Variants in UXS1 observed in about 807,000 individuals in gnomAD.
UXS1 encodes UDP-glucuronic acid decarboxylase 1.
In UXS1, 33 loss-of-function variants were observed where a neutral mutation model predicts 62.6. That is an observed-to-expected ratio of 0.53 (90% confidence interval 0.40 to 0.70). The LOEUF (loss-of-function observed/expected upper bound fraction) is 0.70, where lower values mean the gene tolerates loss of function less well. Ranked by LOEUF, UXS1 falls within the 30% of genes least tolerant of loss-of-function variation. UXS1 has a pLI of 0.00. For missense variants in UXS1, 434 were observed against 556.3 expected, an observed-to-expected ratio of 0.78 and a Z score of 2.21; for synonymous variants, 213 against 206.8, an observed-to-expected ratio of 1.03 and a Z score of -0.26.
Position 106,094,049 on chromosome 2 carries a change from T to G in UXS1, c.1255A>C (p.Lys419Gln), listed in dbSNP as rs766728762. 1.2e-6 allele frequency: 2 copies of G among 1,613,162 alleles called. No homozygotes were observed. Among genetic ancestry groups the G allele is most frequent in the Non-Finnish European group, 1.7e-6 (2 of 1,179,722 alleles). The change falls in exon 15 of 15, where the codon AAA becomes CAA. Residue 419 changes from lysine (K) to glutamine (Q), a missense_variant. Physicochemically the swap from Lys to Gln is moderately conservative, Grantham distance 53. Around this residue, in one of 3 missense-constraint regions of UXS1, gnomAD observed 209 missense variants for 233.3 expected, o/e 0.90. Coordinates refer to ENST00000283148, the MANE Select transcript of UXS1 (RefSeq NM_001253875.2). ...GTTCAGCTGTGGCGAGTCCGTCCTT[T>G]CTTTATTCTGGCAGGCTTTGGTTTG... ...IPKPKPARIK[K>Q]GRTRHS
At chr2:106,175,853 T>C (rs2105090727) in intron 1 of UXS1, among the ~76,000 whole-genome samples, 1 of 152,274 alleles carries the variant, frequency 6.6e-6, no homozygotes. Context: ...TGGGTATAAA[T>C]ACAACGGTAA....
At chr2:106,156,107 C>A (rs960756372) in intron 5 of UXS1, among the ~76,000 whole-genome samples, 1 of 151,732 alleles carries the variant, frequency 6.6e-6, no homozygotes, top group Non-Finnish European at 1.5e-5. Flanking sequence ...AAAAGAGAAC[C>A]CACAGAATGA....
At chr2:106,137,558 G>A (rs574865846) in intron 6 of UXS1, among the ~76,000 whole-genome samples, 12 of 152,184 alleles carry the variant, frequency 7.9e-5, no homozygotes, top group African/African-American at 2.9e-4. Flanking sequence ...GGAGGCCGAG[G>A]TGGGTGGATC....
rs555562595 is a variant in UXS1, at chr2:106,107,497, C to T, written c.880-2660G>A. ...TGGAGGAACACAATCCAGGGCAATA[C>T]ATGCTGGGTAAGCCCCCCGACCGGG... On this transcript the variant is annotated intron_variant, in intron 10 of 14. Coordinates refer to ENST00000283148, the MANE Select transcript of UXS1 (RefSeq NM_001253875.2). 4.6e-4 allele frequency among the ~76,000 whole-genome samples: 70 copies of T among 152,320 alleles called. No individual in the cohort carries two copies. In the South Asian group the frequency reaches 9.7e-3, roughly 21 times the overall value.
At chr2:106,125,302 C>T (rs1485495886) in intron 8 of UXS1, among the ~76,000 whole-genome samples, 2 of 152,170 alleles carry the variant, frequency 1.3e-5, no homozygotes, top group Non-Finnish European at 2.9e-5. Flanking sequence ...GCTAGACAAA[C>T]AGGTAAAAAG....
At chr2:106,161,739 T>C (rs182160511) in intron 4 of UXS1, among the ~76,000 whole-genome samples, 1 of 152,344 alleles carries the variant, frequency 6.6e-6, no homozygotes, top group East Asian at 1.9e-4. Flanking sequence ...CATTTAAAGA[T>C]ACAGAGTTAA....
chr2:106,094,690 A>T (rs994947235), intron 14 of UXS1, among the ~76,000 whole-genome samples: 5 of 152,142 alleles, frequency 3.3e-5, no homozygotes, highest in Non-Finnish European at 7.4e-5. Flanking sequence ...CTGAGAGGGG[A>T]CCCACGGCAG....
intron 1 of UXS1, chr2:106,183,543 A>T (rs1007518974): frequency 6.6e-6 from 1 of 152,222 alleles, no homozygotes; most frequent in Admixed American, 6.5e-5. Context: ...CTGATGGATT[A>T]ACTCCAAATT....
Position 106,194,237 on chromosome 2 carries a change from A to G in UXS1, c.5T>C (p.Val2Ala), listed in dbSNP as rs902701008. M[V>A]SKALLRLVSA... Reference sequence around the variant, plus strand: ...CACGAGGCGCAGCAGCGCCTTGCTCACCATCCCCGGGAGCCGCGCGGGTCC... The same window carrying G: ...CACGAGGCGCAGCAGCGCCTTGCTCGCCATCCCCGGGAGCCGCGCGGGTCC... Residue 2 changes from valine to alanine, a missense_variant, in exon 1 of 15, where the codon GTG (valine) becomes GCG (alanine). Val to Ala is a moderately conservative substitution (Grantham distance 64). Coordinates refer to ENST00000283148, the MANE Select transcript of UXS1 (RefSeq NM_001253875.2). 1.4e-5 allele frequency: 20 copies of G among 1,414,288 alleles called. No individual in the cohort carries two copies. The East Asian group carries it at 4.4e-4, about 31-fold the overall frequency. The allele number at this position is 1,414,288 out of a possible 1,614,324, so 87.6% of individuals were successfully genotyped here.
chr2:106,095,689 G>A (rs530543786), intron 14 of UXS1, among the ~76,000 whole-genome samples: 3 of 152,170 alleles, frequency 2.0e-5, no homozygotes, highest in Admixed American at 1.3e-4. Flanking sequence ...AGGGGAGCCC[G>A]AATTTCAGTG....
intron 5 of UXS1, among the ~76,000 whole-genome samples, chr2:106,156,284 G>C (rs192006503): frequency 2.6e-5 from 4 of 152,238 alleles, no homozygotes; most frequent in Admixed American, 2.6e-4. Context: ...CACACAAAAA[G>C]ATGCTCAACA....
In UXS1 at chr2:106,192,144, T is replaced by C. The variant is rs370492409; in HGVS notation, c.94+2004A>G. Among the ~76,000 whole-genome samples the C allele has an allele frequency of 3.9e-5, 6 of 152,256 alleles. No homozygotes were observed. The East Asian group carries it at 1.2e-3, about 29-fold the overall frequency. The stretch of plus-strand genomic sequence containing the variant: ...GTGCTACACTATGTGGTATAGGGTC[T>C]GTACCATCACAGCACAGACCAGTTA... On this transcript the variant is annotated intron_variant, in intron 1 of 14. Transcript: ENST00000283148.
chr2:106,180,722 G>T (rs1056134664), intron 1 of UXS1, among the ~76,000 whole-genome samples: 1 of 152,176 alleles, frequency 6.6e-6, no homozygotes, highest in Non-Finnish European at 1.5e-5. Context: ...AATTTGGGGA[G>T]AATAGGGAGA....
At chr2:106,192,461 G>A (rs1474342316) in intron 1 of UXS1, among the ~76,000 whole-genome samples, 2 of 151,858 alleles carry the variant, frequency 1.3e-5, no homozygotes, top group Non-Finnish European at 2.9e-5. Flanking sequence ...GGCTGAGGCA[G>A]GAGAATGGCG....
intron 9 of UXS1, among the ~76,000 whole-genome samples, chr2:106,122,497 C>A (rs1573451418): frequency 6.6e-6 from 1 of 152,302 alleles, no homozygotes; most frequent in East Asian, 1.9e-4. Flanking sequence ...GTGACCAAAT[C>A]TGTCACATAA....
At chr2:106,104,644 C>T (rs1253257797) in intron 11 of UXS1, 150 bp downstream of exon 11, 1 of 895,156 alleles carries the variant, frequency 1.1e-6, no homozygotes, top group Non-Finnish European at 1.6e-6. Flanking sequence ...AGCAAGTTTT[C>T]CCATCATAAA....
intron 4 of UXS1, 59 bp downstream of exon 4, chr2:106,163,607 AT>A (rs1393504155): frequency 8.2e-7 from 1 of 1,226,254 alleles, no homozygotes; most frequent in Non-Finnish European, 1.1e-6. Context: ...AACAGAATTA[AT>A]TACTCAATTG....
chr2:106,163,142 G>A (rs923554935), intron 4 of UXS1, among the ~76,000 whole-genome samples: 2 of 152,196 alleles, frequency 1.3e-5, no homozygotes, highest in Non-Finnish European at 2.9e-5. Flanking sequence ...AAAGGGTGAG[G>A]AGGGGTTCTC....
intron 1 of UXS1, among the ~76,000 whole-genome samples, chr2:106,177,045 A>C (rs1683926243): frequency 6.6e-6 from 1 of 152,186 alleles, no homozygotes; most frequent in South Asian, 2.1e-4. Flanking sequence ...AGGGTGGTTA[A>C]AAGTATGGGT....
Sources: allele counts gnomAD v4.1 joint callset (sites outside exome capture counted in the v4.1 genomes callset), GRCh38; gene constraint gnomAD v4.1.1; regional missense constraint gnomAD v4.1.1; transcripts MANE v1.5; gene names NCBI Gene and HGNC (gene_info 2026-07-23, HGNC 2026-07-21).